Variants in CDK14 observed in about 807,000 individuals in gnomAD.
CDK14 encodes the protein cyclin-dependent kinase 14.
A neutral mutation model predicts 60.7 loss-of-function variants in CDK14; 34 were observed. The ratio of observed to expected loss-of-function variants is 0.56; its 90% CI spans 0.43 to 0.75. CDK14 has a LOEUF of 0.75. CDK14 is among the 30% of genes least tolerant of loss of function. The probability of loss-of-function intolerance (pLI) is 0.00; values close to 1 mark genes in which losing one functional copy is unlikely to be tolerated. For synonymous variants in CDK14, 197 were observed against 203.7 expected, an observed-to-expected ratio of 0.97 and a Z score of 0.28; for missense variants, 482 against 564.1, an observed-to-expected ratio of 0.85 and a Z score of 1.47.
At chr7:90,685,360 A>T (rs992231845) in intron 2 of CDK14, among the ~76,000 whole-genome samples, 5 of 152,168 alleles carry the variant, frequency 3.3e-5, no homozygotes, top group Admixed American at 2.6e-4. Flanking sequence ...TTATTTACTG[A>T]AGCATGATAA....
intron 10 of CDK14, among the ~76,000 whole-genome samples, chr7:91,015,666 T>C (rs1584233918): frequency 6.6e-6 from 1 of 151,652 alleles, no homozygotes; most frequent in Non-Finnish European, 1.5e-5. Context: ...TAACTGGGAC[T>C]ACAGGCACCC....
intron 7 of CDK14, among the ~76,000 whole-genome samples, chr7:90,902,538 A>T (rs1262757811): frequency 1.3e-5 from 2 of 152,126 alleles, no homozygotes. Flanking sequence ...GGTGCTGGAA[A>T]AACTGGAAAT....
chr7:90,716,728 A>G lies in CDK14; in HGVS notation c.124-9839A>G, dbSNP rs538453042. Among the ~76,000 whole-genome samples, 19 of 152,214 alleles carry G rather than the reference A, an allele frequency of 1.2e-4. No homozygotes were observed. The South Asian group carries it at 1.7e-3, about 13-fold the overall frequency. On this transcript the variant is annotated intron_variant, in intron 2 of 14. Coordinates refer to ENST00000380050, the MANE Select transcript of CDK14 (RefSeq NM_001287135.2). Reference sequence around the variant, plus strand: ...CTTTTGAGATAAGTTTGAGTAAAATATGTTACCGAAGGAGTAGTAAAATTT... The same window carrying G: ...CTTTTGAGATAAGTTTGAGTAAAATGTGTTACCGAAGGAGTAGTAAAATTT...
At chr7:91,012,825 G>C (rs1796199047) in intron 10 of CDK14, among the ~76,000 whole-genome samples, 1 of 152,176 alleles carries the variant, frequency 6.6e-6, no homozygotes, top group African/African-American at 2.4e-5. Flanking sequence ...TAAAGATAGA[G>C]AGTCATTTAC....
chr7:90,658,191 C>T (rs543037518), intron 2 of CDK14, among the ~76,000 whole-genome samples: 1 of 152,330 alleles, frequency 6.6e-6, no homozygotes, highest in South Asian at 2.1e-4. Flanking sequence ...TGGAATCACG[C>T]ACCATCTTAG....
rs547727865 is a variant in CDK14, at chr7:90,637,635, T to G, written c.123+33386T>G. Among the ~76,000 whole-genome samples, 14 of 150,926 alleles carry G rather than the reference T, an allele frequency of 9.3e-5. No individual in the cohort carries two copies. In the South Asian group the frequency reaches 2.7e-3, roughly 30 times the overall value. ...TGTTGATTTGGGGTGGAGAGTTCTG[T>G]AGATGTCTATTAGGTCCACTTGGTG... is the stretch of plus-strand genomic sequence containing the variant. On this transcript the variant is annotated intron_variant, in intron 2 of 14. Coordinates refer to ENST00000380050, the MANE Select transcript of CDK14 (RefSeq NM_001287135.2).
At chr7:91,139,881 C>T (rs933198172) in intron 14 of CDK14, among the ~76,000 whole-genome samples, 6 of 149,804 alleles carry the variant, frequency 4.0e-5, no homozygotes, top group Non-Finnish European at 7.4e-5. Context: ...TTCTCTGTCA[C>T]CTTTCATTTT....
chr7:91,062,731 A>G (rs1304045982), intron 11 of CDK14, among the ~76,000 whole-genome samples: 1 of 152,066 alleles, frequency 6.6e-6, no homozygotes, highest in Non-Finnish European at 1.5e-5. Flanking sequence ...GCCGAAGCTC[A>G]GTGAGGAAAA....
intron 8 of CDK14, among the ~76,000 whole-genome samples, chr7:90,919,252 C>T (rs1330723003): frequency 6.6e-6 from 1 of 152,036 alleles, no homozygotes; most frequent in African/African-American, 2.4e-5. Flanking sequence ...ATTGTATGAA[C>T]ATGCATTTGT....
chr7:90,621,663 TCCTTCCTG>T lies in CDK14; in HGVS notation c.123+17438_123+17445del, dbSNP rs1285193236. ...TTCCTTCCTTCCTTCCTTCCTTCCT[TCCTTCCTG>T]CCTTCCTGCCTTCCTGCCTTCCTTC... On this transcript the variant is annotated intron_variant, in intron 2 of 14. Coordinates refer to ENST00000380050, the MANE Select transcript of CDK14 (RefSeq NM_001287135.2). Among the ~76,000 whole-genome samples the T allele has an allele frequency of 7.0e-3, 794 of 112,632 alleles. 3 individuals carry two copies. Among genetic ancestry groups the T allele is most frequent in the Admixed American group, 9.1e-3 (99 of 10,872 alleles). The allele number at this position is 112,632 out of a possible 152,430, so 73.9% of individuals were successfully genotyped here.
chr7:91,118,166 A>C lies in CDK14; in HGVS notation c.1396A>C (p.Asn466His). ...KNNSYGKSLS[N>H]SKH ...CAATAGTTATGGCAAAAGTCTATCA[A>C]ACAGCAAGCACTGACAAGCAGCACA... The change falls in exon 14 of 15, where the codon AAC becomes CAC. Residue 466 changes from asparagine to histidine, a missense_variant. Physicochemically the swap from Asn to His is moderately conservative, Grantham distance 68. Coordinates refer to ENST00000380050, the MANE Select transcript of CDK14 (RefSeq NM_001287135.2). 1 of 1,609,772 alleles carries C rather than the reference A, an allele frequency of 6.2e-7. No homozygotes were observed. The highest frequency in any genetic ancestry group is 8.5e-7 in the Non-Finnish European group (1 of 1,176,252).
At chr7:90,707,134 T>C (rs1801916136) in intron 2 of CDK14, among the ~76,000 whole-genome samples, 1 of 152,142 alleles carries the variant, frequency 6.6e-6, no homozygotes, top group Admixed American at 6.6e-5. Flanking sequence ...TTGTGCAACA[T>C]GTCCACTTGG....
At chr7:90,941,025 C>G (rs1366151187) in intron 8 of CDK14, among the ~76,000 whole-genome samples, 4 of 152,112 alleles carry the variant, frequency 2.6e-5, no homozygotes, top group Middle Eastern at 3.2e-3. Context: ...TGGCCTCTGC[C>G]TTAAATAGGT....
At chr7:91,058,853 G>A (rs1388036448) in intron 11 of CDK14, among the ~76,000 whole-genome samples, 1 of 152,164 alleles carries the variant, frequency 6.6e-6, no homozygotes, top group Non-Finnish European at 1.5e-5. Context: ...ACGGATATTG[G>A]TCTAAAATTC....
intron 10 of CDK14, among the ~76,000 whole-genome samples, chr7:91,033,191 G>A (rs1167469482): frequency 6.6e-6 from 1 of 152,106 alleles, no homozygotes. Context: ...ACCTCTTGGA[G>A]CTACCTAATC....
chr7:91,137,151 A>G (rs1347983714), intron 14 of CDK14, among the ~76,000 whole-genome samples: 4 of 152,128 alleles, frequency 2.6e-5, no homozygotes, highest in Admixed American at 1.3e-4. Context: ...TAAATATGTT[A>G]TTTTTTGTTA....
intron 1 of CDK14, among the ~76,000 whole-genome samples, chr7:90,598,790 C>T (rs1799252469): frequency 7.3e-6 from 1 of 137,078 alleles, no homozygotes; most frequent in African/African-American, 2.7e-5. Flanking sequence ...CTGCAAGCTC[C>T]GCCTCCCGGG....
At chr7:90,777,699 G>C (rs1805108610) in intron 4 of CDK14, among the ~76,000 whole-genome samples, 1 of 152,204 alleles carries the variant, frequency 6.6e-6, no homozygotes, top group South Asian at 2.1e-4. Flanking sequence ...AGGGGCAGCT[G>C]TGCCGAGCAG....
chr7:90,749,785 G>C (rs998377422), intron 4 of CDK14, among the ~76,000 whole-genome samples: 2 of 152,194 alleles, frequency 1.3e-5, no homozygotes, highest in Admixed American at 6.5e-5. Flanking sequence ...GGTGCTTGGT[G>C]GCTTTCTACT....
Sources: gnomAD v4.1 joint callset for allele counts (sites outside exome capture counted in the v4.1 genomes callset) on GRCh38, gnomAD v4.1.1 for gene constraint, MANE v1.5 for transcripts, NCBI Gene and HGNC (gene_info 2026-07-23, HGNC 2026-07-21) for gene names.